Variants in ATG2B observed in about 807,000 individuals in gnomAD.
The protein encoded by ATG2B is autophagy-related protein 2 homolog B.
Under a neutral mutation model 241.3 loss-of-function variants are expected in ATG2B, and 121 were observed. The ratio of observed to expected loss-of-function variants is 0.50; its 90% CI spans 0.43 to 0.58. ATG2B has a LOEUF of 0.58. Ranked by LOEUF, ATG2B falls within the 20% of genes least tolerant of loss-of-function variation. The pLI is 0.00. For synonymous variants in ATG2B, 858 were observed against 876.6 expected, an observed-to-expected ratio of 0.98 and a Z score of 0.37; for missense variants, 2,306 against 2,491.6, an observed-to-expected ratio of 0.93 and a Z score of 1.59.
In ATG2B at chr14:96,281,296, T is replaced by A. The variant is rs1459623220; in HGVS notation, c.*4459A>T. 6.6e-6 allele frequency: 1 copy of A among 152,250 alleles called. No individual in the cohort carries two copies. Among genetic ancestry groups the A allele is most frequent in the Non-Finnish European group, 1.5e-5 (1 of 68,042 alleles). 9.4% of individuals were successfully genotyped at this position (152,250 alleles called of 1,614,324 possible). A position where few individuals can be genotyped will look rare whatever the true frequency, so the allele number is the denominator to read the frequency against. Reference sequence around the variant, plus strand: ...TATTTTAATTTTTTCTTCAAGAGTATTCTTATTTTCATATTATTTAAATAG... The same window carrying A: ...TATTTTAATTTTTTCTTCAAGAGTAATCTTATTTTCATATTATTTAAATAG... On this transcript the variant is annotated 3_prime_UTR_variant, in exon 42 of 42. Coordinates refer to ENST00000359933, the MANE Select transcript of ATG2B (RefSeq NM_018036.7).
At position 96,285,668 on chromosome 14, in the gene ATG2B, A is replaced by C; in HGVS notation, c.*87T>G. ...TTGTTCCTGAGATGAGCACAATAAAATTAAACGAGCTTCCTCTGAAGCTGC... is the reference window on the plus strand; with the variant it reads ...TTGTTCCTGAGATGAGCACAATAAACTTAAACGAGCTTCCTCTGAAGCTGC... On this transcript the variant is annotated 3_prime_UTR_variant, in exon 42 of 42. Transcript: ENST00000359933. The surrounding 1 kb of genome is among the most constrained non-coding windows in gnomAD (Gnocchi z 4.2). 5 of 1,283,632 alleles carry C rather than the reference A, an allele frequency of 3.9e-6. No homozygotes were observed. Among genetic ancestry groups the C allele is most frequent in the South Asian group, 1.3e-5 (1 of 76,316 alleles). 79.5% of individuals were successfully genotyped at this position (1,283,632 alleles called of 1,614,324 possible).
In ATG2B at chr14:96,294,949, A is replaced by C. The variant is rs2139840239; in HGVS notation, c.5426+11T>G. On this transcript the variant is annotated intron_variant, in intron 36 of 41. Transcript: ENST00000359933. ...AATAACTTCATTTGTTATTAAAACT[A>C]AATTAGTTACCTAAAAAACACAGGC... is the stretch of plus-strand genomic sequence containing the variant. The C allele has an allele frequency of 1.9e-6, 3 of 1,610,894 alleles. No individual in the cohort carries two copies. Among genetic ancestry groups the C allele is most frequent in the Non-Finnish European group, 2.5e-6 (3 of 1,177,566 alleles).
chr14:96,341,804 G>A (rs1888044107), intron 5 of ATG2B, 103 bp from the exon 6 acceptor site: 1 of 931,614 alleles, frequency 1.1e-6, no homozygotes, highest in East Asian at 2.8e-5. Flanking sequence ...TATTTGACAT[G>A]TAAAACTGTA....
chr14:96,322,754 T>C lies in ATG2B; in HGVS notation c.2541-19A>G. ...TACAATTCTGATAGCAAAGACAATT[T>C]TAAAAAGACCAAGATCTAAGTGTAA... On this transcript the variant is annotated intron_variant, in intron 16 of 41. Transcript: ENST00000359933. 6.2e-7 allele frequency: 1 copy of C among 1,603,546 alleles called. No individual in the cohort carries two copies. The highest frequency in any genetic ancestry group is 8.5e-7 in the Non-Finnish European group (1 of 1,175,014).
intron 6 of ATG2B, among the ~76,000 whole-genome samples, chr14:96,334,749 C>T (rs1315946406): frequency 1.3e-5 from 2 of 152,178 alleles, no homozygotes; most frequent in Non-Finnish European, 2.9e-5. Context: ...TACTTTTTGT[C>T]TCTTCAAGTC....
intron 1 of ATG2B, among the ~76,000 whole-genome samples, chr14:96,361,787 A>G (rs1006052644): frequency 2.6e-5 from 4 of 152,054 alleles, no homozygotes; most frequent in African/African-American, 9.7e-5. Context: ...GGCTCTTTCC[A>G]CTATCTTGTG....
At chr14:96,287,475 C>G (rs1419208325) in intron 41 of ATG2B, among the ~76,000 whole-genome samples, 1 of 152,154 alleles carries the variant, frequency 6.6e-6, no homozygotes, top group African/African-American at 2.4e-5. Flanking sequence ...CGAGGCCGAC[C>G]ACCACTACGT....
At chr14:96,324,859 C>T (rs937647831) in intron 15 of ATG2B, among the ~76,000 whole-genome samples, 1 of 151,684 alleles carries the variant, frequency 6.6e-6, no homozygotes, top group African/African-American at 2.4e-5. Context: ...TACGTAAAAC[C>T]GAGAGAGAAA....
chr14:96,319,839 T>A (rs1456521782), intron 18 of ATG2B, among the ~76,000 whole-genome samples: 3 of 152,204 alleles, frequency 2.0e-5, no homozygotes, highest in Non-Finnish European at 4.4e-5. Flanking sequence ...TCTCTGAGAA[T>A]GTTTGAAAAT....
At chr14:96,305,505 T>C in intron 31 of ATG2B, 84 bp downstream of exon 31, 1 of 912,128 alleles carries the variant, frequency 1.1e-6, no homozygotes, top group Non-Finnish European at 1.6e-6. Flanking sequence ...CTTTTTTCTC[T>C]CTAAAGGGGA....
At chr14:96,322,009 G>C in intron 18 of ATG2B, 103 bp downstream of exon 18, 1 of 805,352 alleles carries the variant, frequency 1.2e-6, no homozygotes, top group East Asian at 2.8e-5. Flanking sequence ...CACAGAGATG[G>C]CATATAATAT....
In ATG2B at chr14:96,313,157, TC is replaced by T; in HGVS notation, c.3750-1del. 6.2e-7 allele frequency: 1 copy of T among 1,608,998 alleles called. No individual in the cohort carries two copies. Among genetic ancestry groups the T allele is most frequent in the Non-Finnish European group, 8.5e-7 (1 of 1,176,160 alleles). ...GAGATCGGATTGGCAAATAAAGGGGTCTAATGCCAAAGAGAAACAAAAGAAC... is the reference window on the plus strand; with the variant it reads ...GAGATCGGATTGGCAAATAAAGGGGTTAATGCCAAAGAGAAACAAAAGAAC... On this transcript the variant is annotated splice_acceptor_variant, in intron 24 of 41. Transcript: ENST00000359933. LOFTEE classifies it high-confidence loss of function.
intron 28 of ATG2B, among the ~76,000 whole-genome samples, chr14:96,309,940 C>T (rs1887103860): frequency 6.6e-6 from 1 of 152,166 alleles, no homozygotes; most frequent in Non-Finnish European, 1.5e-5. Flanking sequence ...CTGATGGTTG[C>T]AATGACTTTC....
chr14:96,286,783 TTATTA>T (rs1886345807), intron 41 of ATG2B, among the ~76,000 whole-genome samples: 3 of 152,004 alleles, frequency 2.0e-5, no homozygotes, highest in African/African-American at 7.2e-5. Context: ...TATTATTATA[TTATTA>T]TATTATTGTG....
chr14:96,315,278 T>A, intron 22 of ATG2B, 44 bp from the exon 23 acceptor site: 1 of 1,587,120 alleles, frequency 6.3e-7, no homozygotes, highest in Non-Finnish European at 8.6e-7. Flanking sequence ...ACCTATGTAA[T>A]CCTATAACTC....
At chr14:96,361,945 T>C (rs1888644362) in intron 1 of ATG2B, among the ~76,000 whole-genome samples, 4 of 152,104 alleles carry the variant, frequency 2.6e-5, no homozygotes, top group Admixed American at 2.6e-4. Flanking sequence ...GGGCAAAGGG[T>C]AGAAGTCACT....
In ATG2B at chr14:96,319,923, T is replaced by G. The variant is rs112890548; in HGVS notation, c.2880-2068A>C. Reference sequence around the variant, plus strand: ...GGATGCAAACCCTGAGGAAGTTAGATATGAGATTTATATGATCCCAGAAAG... The same window carrying G: ...GGATGCAAACCCTGAGGAAGTTAGAGATGAGATTTATATGATCCCAGAAAG... On this transcript the variant is annotated intron_variant, in intron 18 of 41. Transcript: ENST00000359933. Among the ~76,000 whole-genome samples, 835 of 152,272 alleles carry G rather than the reference T, an allele frequency of 5.5e-3. 7 individuals carry two copies. The highest frequency in any genetic ancestry group is 9.0e-3 in the Non-Finnish European group (614 of 68,020).
chr14:96,334,563 G>A (rs899030793), intron 6 of ATG2B, 62 bp from the exon 7 acceptor site: 25 of 950,400 alleles, frequency 2.6e-5, no homozygotes, highest in South Asian at 9.9e-5. Context: ...CACCATAAAC[G>A]TCAGTATATT....
intron 5 of ATG2B, among the ~76,000 whole-genome samples, chr14:96,342,918 T>G: frequency 6.6e-6 from 1 of 152,098 alleles, no homozygotes; most frequent in East Asian, 1.9e-4. Context: ...TTCAAACTAA[T>G]ACACAGCACA....
Sources: gnomAD v4.1 joint callset for allele counts (sites outside exome capture counted in the v4.1 genomes callset) on GRCh38, gnomAD v4.1.1 for gene constraint, Gnocchi (gnomAD v3.1) non-coding constraint, MANE v1.5 for transcripts, NCBI Gene and HGNC (gene_info 2026-07-23, HGNC 2026-07-21) for gene names.